Variants in CNTNAP5 observed in about 807,000 individuals in gnomAD.
CNTNAP5 encodes the protein contactin-associated protein-like 5.
CNTNAP5 carries 72 observed loss-of-function variants against 150.2 expected under a neutral mutation model. The observed-to-expected ratio is 0.48, with a 90% CI of 0.40 to 0.58. The LOEUF is 0.58. Ranked by LOEUF, CNTNAP5 falls within the 20% of genes least tolerant of loss-of-function variation. The pLI, the probability that CNTNAP5 is intolerant of heterozygous loss-of-function variation, is 0.00. For synonymous variants in CNTNAP5, 672 were observed against 619.8 expected (o/e 1.08, Z -1.25); for missense variants, 1,636 against 1,626.2 (o/e 1.01, Z -0.10).
intron 21 of CNTNAP5, among the ~76,000 whole-genome samples, chr2:124,898,335 T>C (rs1305279865): frequency 6.6e-6 from 1 of 151,408 alleles, no homozygotes; most frequent in East Asian, 1.9e-4. Context: ...TTTAGCGAAT[T>C]TCTGATCTTT....
Position 124,869,683 on chromosome 2 carries a change from G to T in CNTNAP5, c.3357G>T (p.Gln1119His), listed in dbSNP as rs1181038195. 1 of 1,610,484 alleles carries T rather than the reference G, an allele frequency of 6.2e-7. No homozygotes were observed. The highest frequency in any genetic ancestry group is 8.5e-7 in the Non-Finnish European group (1 of 1,177,468). Residue 1119 changes from glutamine to histidine, a missense_variant, in exon 21 of 24, where the codon CAG becomes CAT. Transcript: ENST00000682447. ...TTTCTGTTTTCCTGCAGATGGACCA[G>T]CAACTTCGACTCAGTTATAACTTCT... Reference protein sequence around the residue: ...EGRELTIQMDQQLRLSYNFSP... With the variant: ...EGRELTIQMDHQLRLSYNFSP...
At chr2:124,827,339 C>A (rs940409903) in intron 19 of CNTNAP5, among the ~76,000 whole-genome samples, 2 of 152,152 alleles carry the variant, frequency 1.3e-5, no homozygotes, top group African/African-American at 4.8e-5. Context: ...ATGGATTCCC[C>A]TCAAATCTCA....
intron 1 of CNTNAP5, among the ~76,000 whole-genome samples, chr2:124,034,421 G>A (rs1681154451): frequency 6.6e-6 from 1 of 152,204 alleles, no homozygotes; most frequent in Non-Finnish European, 1.5e-5. Flanking sequence ...GTGAGTCACT[G>A]CTAAGACAAA....
intron 16 of CNTNAP5, among the ~76,000 whole-genome samples, chr2:124,771,050 A>C (rs1681180997): frequency 6.6e-6 from 1 of 152,172 alleles, no homozygotes; most frequent in Non-Finnish European, 1.5e-5. Context: ...AAGCAAAAGA[A>C]TTCGAGCTCT....
chr2:124,104,895 A>G (rs549794782), intron 1 of CNTNAP5, among the ~76,000 whole-genome samples: 1 of 152,256 alleles, frequency 6.6e-6, no homozygotes, highest in South Asian at 2.1e-4. Context: ...TGAGTAATTA[A>G]TACATTTATA....
At chr2:124,713,239 C>CTTTT (rs761730028) in intron 13 of CNTNAP5, among the ~76,000 whole-genome samples, 1 of 57,382 alleles carries the variant, frequency 1.7e-5, no homozygotes, top group African/African-American at 6.9e-5. Context: ...TTCTTTCTTT[C>CTTTT]TTTCTCTTTC....
intron 3 of CNTNAP5, among the ~76,000 whole-genome samples, chr2:124,258,698 A>G (rs1687375727): frequency 1.3e-5 from 2 of 152,164 alleles, no homozygotes; most frequent in Admixed American, 1.3e-4. Context: ...TGCCTCACTT[A>G]AAAAGAATCC....
chr2:124,798,794 G>A (rs1313163421), intron 19 of CNTNAP5, among the ~76,000 whole-genome samples: 1 of 152,078 alleles, frequency 6.6e-6, no homozygotes, highest in Non-Finnish European at 1.5e-5. Context: ...CATAACCTTG[G>A]GGAATAGGTG....
intron 19 of CNTNAP5, among the ~76,000 whole-genome samples, chr2:124,861,356 T>C (rs1313224977): frequency 6.6e-6 from 1 of 152,108 alleles, no homozygotes; most frequent in Middle Eastern, 3.4e-3. Context: ...GTGGATCACC[T>C]GAGGTCAGGA....
At chr2:124,500,541 C>A (rs1297836765) in intron 7 of CNTNAP5, among the ~76,000 whole-genome samples, 2 of 152,020 alleles carry the variant, frequency 1.3e-5, no homozygotes, top group Non-Finnish European at 2.9e-5. Flanking sequence ...GAGGTCAGAC[C>A]AAGGTGGGAG....
intron 3 of CNTNAP5, among the ~76,000 whole-genome samples, chr2:124,370,815 G>C (rs1371446575): frequency 6.6e-6 from 1 of 152,070 alleles, no homozygotes; most frequent in African/African-American, 2.4e-5. Context: ...TATAACAAAA[G>C]ACAGATTAAC....
intron 12 of CNTNAP5, among the ~76,000 whole-genome samples, chr2:124,641,943 C>G (rs1048568565): frequency 9.9e-5 from 15 of 152,004 alleles, no homozygotes; most frequent in African/African-American, 3.1e-4. Flanking sequence ...GTTGTGATCC[C>G]CATGGTAACA....
intron 11 of CNTNAP5, among the ~76,000 whole-genome samples, chr2:124,578,221 C>T (rs13009233): frequency 0.36 from 53,790 of 147,580 alleles, 9,969 homozygotes; most frequent in South Asian, 0.49. Flanking sequence ...TCCCAGCTAC[C>T]TGGGAGGCTG....
intron 7 of CNTNAP5, among the ~76,000 whole-genome samples, chr2:124,490,136 A>G (rs1426790294): frequency 6.6e-6 from 1 of 151,954 alleles, no homozygotes. Context: ...GAGTTCAAGG[A>G]CAGCCTGGCC....
intron 22 of CNTNAP5, 137 bp downstream of exon 22, chr2:124,903,237 G>T (rs1248987014): frequency 3.7e-6 from 2 of 536,590 alleles, no homozygotes; most frequent in African/African-American, 1.9e-5. Context: ...TAAAAATTAT[G>T]ACTGATATTT....
rs1558775115 is a variant in CNTNAP5 at position 124,786,402 on chromosome 2, G to GAAAGAAGGAAA, written c.2753-3500_2753-3499insAAAGAAGGAAA. ...AAGAAAGAAAGAAAGAAAGAAAGAA[G>GAAAGAAGGAAA]GAAGGAAGGAAGGAAGGAAGGAAGG... On this transcript the variant is annotated intron_variant, in intron 17 of 23. Transcript: ENST00000682447. Among the ~76,000 whole-genome samples, 8 of 54,212 alleles carry GAAAGAAGGAAA rather than the reference G, an allele frequency of 1.5e-4. 1 individual carries two copies. Among genetic ancestry groups the GAAAGAAGGAAA allele is most frequent in the African/African-American group, 5.2e-4 (6 of 11,470 alleles). The allele number at this position is 54,212 out of a possible 152,430, so 35.6% of individuals were successfully genotyped here. A position where few individuals can be genotyped will look rare whatever the true frequency, so the allele number is the denominator to read the frequency against.
At chr2:124,150,299 GTA>G (rs1185124431) in intron 1 of CNTNAP5, among the ~76,000 whole-genome samples, 1 of 152,194 alleles carries the variant, frequency 6.6e-6, no homozygotes, top group Non-Finnish European at 1.5e-5. Context: ...TGCCCAAGGT[GTA>G]TATCCCAGCC....
intron 12 of CNTNAP5, among the ~76,000 whole-genome samples, chr2:124,610,545 C>G (rs1355692167): frequency 6.6e-6 from 1 of 152,178 alleles, no homozygotes; most frequent in Non-Finnish European, 1.5e-5. Context: ...ACTTATTTCT[C>G]AAATGCAGAA....
intron 5 of CNTNAP5, among the ~76,000 whole-genome samples, chr2:124,437,576 CA>C (rs1317541904): frequency 2.6e-5 from 4 of 152,118 alleles, no homozygotes. Flanking sequence ...CCAACTCTTA[CA>C]ACCTGGTTAT....
Sources: allele counts gnomAD v4.1 joint callset (sites outside exome capture counted in the v4.1 genomes callset), GRCh38; gene constraint gnomAD v4.1.1; transcripts MANE v1.5; gene names NCBI Gene and HGNC (gene_info 2026-07-23, HGNC 2026-07-21).